Variants in CAPNS1 observed in about 807,000 individuals in gnomAD.
The protein encoded by CAPNS1 is calpain small subunit 1.
A neutral mutation model predicts 39.2 loss-of-function variants in CAPNS1; 32 were observed. The observed-to-expected ratio is 0.82, with a 90% CI of 0.62 to 1.10. The LOEUF (loss-of-function observed/expected upper bound fraction) is 1.10. CAPNS1 is among the 50% of genes least tolerant of loss of function. The probability of loss-of-function intolerance (pLI) is 0.00; values close to 1 mark genes in which losing one functional copy is unlikely to be tolerated. For synonymous variants in CAPNS1, 153 were observed against 136.2 expected (o/e 1.12, Z -0.86); for missense variants, 353 against 373.1 (o/e 0.95, Z 0.44).
intron 6 of CAPNS1, among the ~76,000 whole-genome samples, chr19:36,145,012 G>T (rs1245069571): frequency 2.0e-5 from 3 of 152,066 alleles, no homozygotes; most frequent in Non-Finnish European, 2.9e-5. Flanking sequence ...GTGTCCCAAG[G>T]ATTTAGTGAG....
At chr19:36,145,203 CTTTTTTTTTT>C (rs5827950) in intron 6 of CAPNS1, among the ~76,000 whole-genome samples, 2 of 118,296 alleles carry the variant, frequency 1.7e-5, no homozygotes, top group South Asian at 2.7e-4. Context: ...TTTTCTTTCT[CTTTTTTTTTT>C]TTTTTTTTTG....
intron 6 of CAPNS1, among the ~76,000 whole-genome samples, chr19:36,144,321 A>T (rs1974491069): frequency 6.6e-6 from 1 of 152,148 alleles, no homozygotes; most frequent in Non-Finnish European, 1.5e-5. Flanking sequence ...CGGAGGTTGC[A>T]GTGAGCAGAG....
intron 3 of CAPNS1, 147 bp from the exon 4 acceptor site, chr19:36,142,505 C>A (rs1268588374): frequency 4.2e-6 from 3 of 714,962 alleles, no homozygotes; most frequent in Non-Finnish European, 7.4e-6. Flanking sequence ...GCCCCACATA[C>A]GTGCACCCCA....
chr19:36,146,067 G>A lies in CAPNS1; in HGVS notation c.604+13G>A. 1 of 1,613,352 alleles carries A rather than the reference G, an allele frequency of 6.2e-7. No homozygotes were observed. Among genetic ancestry groups the A allele is most frequent in the Non-Finnish European group, 8.5e-7 (1 of 1,179,326 alleles). On this transcript the variant is annotated intron_variant, in intron 8 of 10. Transcript: ENST00000246533. ...TTTGAGGCAGCAGGTATGGCTGGCAGGGACATGCTGGGGCTGGGAGTGGGA... is the reference window on the plus strand; with the variant it reads ...TTTGAGGCAGCAGGTATGGCTGGCAAGGACATGCTGGGGCTGGGAGTGGGA...
At position 36,141,175 on chromosome 19, in the gene CAPNS1, G is replaced by A. The variant is rs377720678; in HGVS notation, c.164G>A (p.Gly55Asp). ...GGCGGTGGTGGAGGCGGCGGTGGCGGTGGAACGGCCATGCGCATCCTAGGC... is the reference window on the plus strand; with the variant it reads ...GGCGGTGGTGGAGGCGGCGGTGGCGATGGAACGGCCATGCGCATCCTAGGC... ...GGGGGGGGGG[G>D]GTAMRILGGV... The change falls in exon 2 of 11, where the codon GGT becomes GAT. Residue 55 changes from glycine to aspartate, a missense_variant. Transcript: ENST00000246533. 3.1e-4 allele frequency: 437 copies of A among 1,420,638 alleles called. No homozygotes were observed. Among genetic ancestry groups the A allele is most frequent in the Middle Eastern group, 1.6e-3 (6 of 3,814 alleles). The allele number at this position is 1,420,638 out of a possible 1,614,324, so 88.0% of individuals were successfully genotyped here.
At position 36,142,758 on chromosome 19, in the gene CAPNS1, C is replaced by T. The variant is rs190077569; in HGVS notation, c.333+17C>T. The stretch of plus-strand genomic sequence containing the variant: ...GCTGGAGATGTAAGTAACCTGGGGT[C>T]CCTGGCCCCGTCCTAACCGTTCCAT... On this transcript the variant is annotated intron_variant, in intron 4 of 10. Transcript: ENST00000246533. 1.2e-6 allele frequency: 2 copies of T among 1,610,054 alleles called. No homozygotes were observed. Among genetic ancestry groups the T allele is most frequent in the African/African-American group, 1.3e-5 (1 of 74,946 alleles).
rs961562994 is a variant in CAPNS1 at position 36,142,678 on chromosome 19, T to G, written c.270T>G (p.Ile90Met). 2 of 1,614,072 alleles carry G rather than the reference T, an allele frequency of 1.2e-6. No homozygotes were observed. Among genetic ancestry groups the G allele is most frequent in the South Asian group, 2.2e-5 (2 of 91,076 alleles). The change falls in exon 4 of 11, where the codon ATT becomes ATG. Residue 90 changes from isoleucine (I) to methionine (M), a missense_variant. Coordinates refer to ENST00000246533, the MANE Select transcript of CAPNS1 (RefSeq NM_001749.4). ...PPPPRTHYSN[I>M]EANESEEVRQ... ...CCCCACGCACACATTACTCCAACATTGAGGCCAACGAGAGTGAGGAGGTCC... is the reference window on the plus strand; with the variant it reads ...CCCCACGCACACATTACTCCAACATGGAGGCCAACGAGAGTGAGGAGGTCC...
intron 9 of CAPNS1, 58 bp from the exon 10 acceptor site, chr19:36,149,520 T>G (rs1338018235): frequency 2.8e-6 from 4 of 1,417,708 alleles, no homozygotes; most frequent in African/African-American, 1.5e-5. Flanking sequence ...AATGTTATTA[T>G]GCCAAAAACC....
intron 2 of CAPNS1, among the ~76,000 whole-genome samples, chr19:36,141,853 G>A (rs1848883618): frequency 1.3e-5 from 2 of 152,120 alleles, no homozygotes; most frequent in Admixed American, 1.3e-4. Flanking sequence ...TGGGAAGACG[G>A]GCATTTAGGA....
chr19:36,143,042 A>G lies in CAPNS1; in HGVS notation c.392-22A>G, dbSNP rs779190677. 3.1e-6 allele frequency: 5 copies of G among 1,614,028 alleles called. No individual in the cohort carries two copies. In the South Asian group the frequency reaches 5.5e-5, roughly 18 times the overall value. On this transcript the variant is annotated intron_variant, in intron 5 of 10. Coordinates refer to ENST00000246533, the MANE Select transcript of CAPNS1 (RefSeq NM_001749.4). ...GAGAGGATTTGACCTCTGGCCTCTG[A>G]CTTTCAACCTGTTACCCACAGACCC...
chr19:36,141,506 GT>G, intron 2 of CAPNS1: 1 of 1,234,666 alleles, frequency 8.1e-7, no homozygotes, highest in Non-Finnish European at 1.0e-6. Flanking sequence ...GTTTTGGCGG[GT>G]GGGGCTTATG....
Position 36,143,146 on chromosome 19 carries a change from G to A in CAPNS1, c.456+18G>A. The A allele has an allele frequency of 6.2e-7, 1 of 1,612,190 alleles. No individual in the cohort carries two copies. Among genetic ancestry groups the A allele is most frequent in the Non-Finnish European group, 8.5e-7 (1 of 1,178,576 alleles). On this transcript the variant is annotated intron_variant, in intron 6 of 10. Coordinates refer to ENST00000246533, the MANE Select transcript of CAPNS1 (RefSeq NM_001749.4). ...TGATGGATGTATCCTTGGGGGCAGTGTGGGAGAGGCCCTGGGTGGACAGAG... is the reference window on the plus strand; with the variant it reads ...TGATGGATGTATCCTTGGGGGCAGTATGGGAGAGGCCCTGGGTGGACAGAG...
chr19:36,142,750 C>T lies in CAPNS1; in HGVS notation c.333+9C>T. The T allele has an allele frequency of 6.2e-7, 1 of 1,611,792 alleles. No individual in the cohort carries two copies. Among genetic ancestry groups the T allele is most frequent in the Non-Finnish European group, 8.5e-7 (1 of 1,177,894 alleles). Reference sequence around the variant, plus strand: ...CCCAGCTGGCTGGAGATGTAAGTAACCTGGGGTCCCTGGCCCCGTCCTAAC... The same window carrying T: ...CCCAGCTGGCTGGAGATGTAAGTAATCTGGGGTCCCTGGCCCCGTCCTAAC... On this transcript the variant is annotated intron_variant, in intron 4 of 10. Coordinates refer to ENST00000246533, the MANE Select transcript of CAPNS1 (RefSeq NM_001749.4).
At chr19:36,140,749 C>A in intron 1 of CAPNS1, 1 of 461,102 alleles carries the variant, frequency 2.2e-6, no homozygotes, top group Non-Finnish European at 3.8e-6. Context: ...GATCTGCACC[C>A]TCCCCTTCAC....
At position 36,142,334 on chromosome 19, in the gene CAPNS1, G is replaced by A; in HGVS notation, c.243+1G>A. On this transcript the variant is annotated splice_donor_variant, in intron 3 of 10. Coordinates refer to ENST00000246533, the MANE Select transcript of CAPNS1 (RefSeq NM_001749.4). LOFTEE classifies it high-confidence loss of function. Reference sequence around the variant, plus strand: ...TGCGCAGTACAACCCGGAGCCCCCGGTAAGCCCCCTCTGCAACCAGACCCC... The same window carrying A: ...TGCGCAGTACAACCCGGAGCCCCCGATAAGCCCCCTCTGCAACCAGACCCC... The A allele has an allele frequency of 2.6e-6, 4 of 1,531,964 alleles. No homozygotes were observed. The highest frequency in any genetic ancestry group is 3.6e-6 in the Non-Finnish European group (4 of 1,124,918). The allele number at this position is 1,531,964 out of a possible 1,614,324, so 94.9% of individuals were successfully genotyped here. A position where few individuals can be genotyped will look rare whatever the true frequency, so the allele number is the denominator to read the frequency against.
At position 36,150,106 on chromosome 19, in the gene CAPNS1, C is replaced by T. The variant is rs777587909; in HGVS notation, c.*267C>T. ...CACCAGGCCCTGCACACACCCACTCCGTAACCTCTCCCCTGTACCTGTGCC... is the reference window on the plus strand; with the variant it reads ...CACCAGGCCCTGCACACACCCACTCTGTAACCTCTCCCCTGTACCTGTGCC... On this transcript the variant is annotated 3_prime_UTR_variant, in exon 11 of 11. Transcript: ENST00000246533. The T allele has an allele frequency of 9.1e-5, 34 of 373,040 alleles. No homozygotes were observed. In the Admixed American group the frequency reaches 9.6e-4, roughly 11 times the overall value. The allele number at this position is 373,040 out of a possible 1,614,324, so 23.1% of individuals were successfully genotyped here.
intron 2 of CAPNS1, chr19:36,141,761 T>C (rs1341245933): frequency 6.5e-6 from 2 of 309,866 alleles, no homozygotes; most frequent in East Asian, 1.7e-4. Flanking sequence ...CTGGTAGGGA[T>C]AGGGCAGGTT....
rs200239031 is a variant in CAPNS1, at chr19:36,141,266, G to T, written c.209+46G>T. On this transcript the variant is annotated intron_variant, in intron 2 of 10. Transcript: ENST00000246533. Reference sequence around the variant, plus strand: ...GGGGCGGGGCCTGGGAATGGGAGGAGCCTCAGTGAGGCGTGGTCTGGGAGG... The same window carrying T: ...GGGGCGGGGCCTGGGAATGGGAGGATCCTCAGTGAGGCGTGGTCTGGGAGG... 5.2e-3 allele frequency: 7,695 copies of T among 1,488,868 alleles called. 74 individuals are homozygous for T. Among genetic ancestry groups the T allele is most frequent in the Non-Finnish European group, 4.2e-3 (4,743 of 1,124,468 alleles). The allele number at this position is 1,488,868 out of a possible 1,614,324, so 92.2% of individuals were successfully genotyped here. A position where few individuals can be genotyped will look rare whatever the true frequency, so the allele number is the denominator to read the frequency against.
At position 36,140,973 on chromosome 19, in the gene CAPNS1, A is replaced by G. The variant is rs757745167; in HGVS notation, c.-15-24A>G. On this transcript the variant is annotated intron_variant, in intron 1 of 10. Coordinates refer to ENST00000246533, the MANE Select transcript of CAPNS1 (RefSeq NM_001749.4). The stretch of plus-strand genomic sequence containing the variant: ...GTGTGGGCTCAGGGGCGAAGCACCC[A>G]CTGGTCCCCTTTTTTCCCCCCAGCA... 8 of 1,593,748 alleles carry G rather than the reference A, an allele frequency of 5.0e-6. No individual in the cohort carries two copies. In the Admixed American group the frequency reaches 6.8e-5, roughly 13 times the overall value.
Sources: gnomAD v4.1 joint callset for allele counts (sites outside exome capture counted in the v4.1 genomes callset) on GRCh38, gnomAD v4.1.1 for gene constraint, MANE v1.5 for transcripts, NCBI Gene and HGNC (gene_info 2026-07-23, HGNC 2026-07-21) for gene names.